The following PRKD2 variants were observed in gnomAD, a reference collection of about 807,000 sequenced individuals.
The protein encoded by PRKD2 is serine/threonine-protein kinase D2.
A neutral mutation model predicts 86.0 loss-of-function variants in PRKD2; 22 were observed. That is an observed-to-expected ratio of 0.26 (90% CI 0.18 to 0.37). The LOEUF is 0.37. Among genes scored for constraint, PRKD2 ranks in the 10% least tolerant of loss-of-function variants. The probability of loss-of-function intolerance (pLI) is 1.00; values close to 1 mark genes in which losing one functional copy is unlikely to be tolerated. For missense variants in PRKD2, 818 were observed against 1,199.2 expected, an observed-to-expected ratio of 0.68 and a Z score of 4.70; for synonymous variants, 509 against 510.9, an observed-to-expected ratio of 1.00 and a Z score of 0.05.
chr19:46,696,587 G>A (rs952724141), intron 9 of PRKD2, among the ~76,000 whole-genome samples: 2 of 151,944 alleles, frequency 1.3e-5, no homozygotes, highest in Non-Finnish European at 2.9e-5. Context: ...GTGAAACCCC[G>A]TCTCTACTAA....
At chr19:46,704,670 T>G (rs538047016) in intron 3 of PRKD2, 21 bp from the exon 4 acceptor site, 19 of 1,580,010 alleles carry the variant, frequency 1.2e-5, no homozygotes, top group Middle Eastern at 1.7e-4. Flanking sequence ...CGCCAGAGAG[T>G]AAGAGACATG....
intron 3 of PRKD2, among the ~76,000 whole-genome samples, chr19:46,709,560 C>T (rs2053771996): frequency 1.3e-5 from 2 of 152,152 alleles, no homozygotes; most frequent in South Asian, 2.1e-4. Flanking sequence ...GGGGTTTCAC[C>T]ATGTTGGACA....
chr19:46,683,574 T>C (rs1232378248), intron 14 of PRKD2, among the ~76,000 whole-genome samples: 1 of 151,864 alleles, frequency 6.6e-6, no homozygotes, highest in African/African-American at 2.4e-5. Context: ...ATACAAAAAT[T>C]AGGCGTGGTG....
rs981520532 is a variant in PRKD2 at position 46,693,927 on chromosome 19, CAG to C, written c.1522_1523del (p.Leu508AspfsTer46). On this transcript the variant is annotated frameshift_variant, in exon 10 of 18. Coordinates refer to ENST00000291281, the MANE Select transcript of PRKD2 (RefSeq NM_016457.5). LOFTEE classifies it high-confidence loss of function. This position sits in a 1 kb window ranked among gnomAD's most constrained non-coding sequence, Gnocchi z 4.5. Reference protein sequence around the residue: ...RGWETAIRQALMPVILQDAPS... With the variant: ...RGWETAIRQAXMPVILQDAPS... ...GTGCGTCCTGAAGGATGACGGGCAT[CAG>C]GGCCTGGCGGATGGCTGTCTCCCAG... 6.2e-7 allele frequency: 1 copy of C among 1,610,292 alleles called. No homozygotes were observed. Among genetic ancestry groups the C allele is most frequent in the Non-Finnish European group, 8.5e-7 (1 of 1,179,432 alleles).
In PRKD2 at chr19:46,716,127, T is replaced by C; in HGVS notation, c.240+4A>G. On this transcript the variant is annotated splice_donor_region_variant and intron_variant, in intron 1 of 17. Coordinates refer to ENST00000291281, the MANE Select transcript of PRKD2 (RefSeq NM_016457.5). The surrounding 1 kb of genome is among the most constrained non-coding windows in gnomAD (Gnocchi z 7.9). ...AGCTGGATCCAGGGAGCCTGCGCCC[T>C]CACCTTCTGGTCCACGATGGAACAG... 1 of 1,608,572 alleles carries C rather than the reference T, an allele frequency of 6.2e-7. No homozygotes were observed. The highest frequency in any genetic ancestry group is 2.3e-5 in the East Asian group (1 of 44,012).
At position 46,685,991 on chromosome 19, in the gene PRKD2, G is replaced by A. The variant is rs1467256703; in HGVS notation, c.1971+3546C>T. The A allele has an allele frequency of 2.6e-5, 4 of 152,168 alleles. No individual in the cohort carries two copies. In the East Asian group the frequency reaches 5.8e-4, roughly 22 times the overall value. The allele number at this position is 152,168 out of a possible 1,614,324, so 9.4% of individuals were successfully genotyped here. A position where few individuals can be genotyped will look rare whatever the true frequency, so the allele number is the denominator to read the frequency against. ...AAAGTCTGGATGAGGGTGCATCAGT[G>A]GGTTTCTGTCCCCACCCCATAAGCC... On this transcript the variant is annotated intron_variant, in intron 14 of 17. Coordinates refer to ENST00000291281, the MANE Select transcript of PRKD2 (RefSeq NM_016457.5).
intron 7 of PRKD2, among the ~76,000 whole-genome samples, chr19:46,699,725 C>T (rs1357801038): frequency 1.3e-5 from 2 of 152,060 alleles, no homozygotes; most frequent in Non-Finnish European, 2.9e-5. Context: ...AATATCCTTG[C>T]CCTCATGCAC....
intron 3 of PRKD2, among the ~76,000 whole-genome samples, chr19:46,705,121 A>G (rs886067868): frequency 2.8e-5 from 4 of 145,202 alleles, no homozygotes; most frequent in Non-Finnish European, 4.5e-5. Context: ...ACATCACCCC[A>G]TCTGCCCCCC....
At chr19:46,704,028 C>CCAGAACA in intron 5 of PRKD2, 141 bp downstream of exon 5, 2 of 1,251,648 alleles carry the variant, frequency 1.6e-6, no homozygotes, top group Non-Finnish European at 2.2e-6. Flanking sequence ...TCCAAAGGTC[C>CCAGAACA]CAGAACACTA....
chr19:46,692,475 G>A (rs546029306), intron 10 of PRKD2, among the ~76,000 whole-genome samples: 7 of 150,032 alleles, frequency 4.7e-5, no homozygotes, highest in Admixed American at 2.0e-4. Flanking sequence ...GCCCCTGCTC[G>A]CCCCCCAACT....
At chr19:46,714,280 A>C in intron 1 of PRKD2, 1 of 1,200,026 alleles carries the variant, frequency 8.3e-7, no homozygotes, top group Non-Finnish European at 1.0e-6. Context: ...GGACACCTCG[A>C]ATTTTCCGGA....
chr19:46,698,412 C>T (rs2053591594), intron 7 of PRKD2, among the ~76,000 whole-genome samples: 1 of 152,196 alleles, frequency 6.6e-6, no homozygotes, highest in South Asian at 2.1e-4. Flanking sequence ...GTCAGGCTGC[C>T]TAGCAAATTA....
intron 14 of PRKD2, among the ~76,000 whole-genome samples, chr19:46,688,268 G>C (rs866592047): frequency 2.2e-4 from 34 of 151,930 alleles, no homozygotes; most frequent in Middle Eastern, 3.4e-3. Context: ...TTCCTGAGTA[G>C]CTGGGATTAC....
intron 9 of PRKD2, among the ~76,000 whole-genome samples, chr19:46,695,983 C>T (rs1020082131): frequency 1.1e-4 from 17 of 152,178 alleles, no homozygotes; most frequent in Admixed American, 1.1e-3. Context: ...GGGTTATAGG[C>T]ACCCGCCACC....
chr19:46,686,738 T>C (rs1200699362), intron 14 of PRKD2, among the ~76,000 whole-genome samples: 1 of 149,928 alleles, frequency 6.7e-6, no homozygotes, highest in African/African-American at 2.5e-5. Context: ...GATCACGAGG[T>C]CAGGAGATCG....
chr19:46,714,481 G>GGGGGGA lies in PRKD2; in HGVS notation c.241-481_241-480insTCCCCC, dbSNP rs2053856212. 1.3e-5 allele frequency: 2 copies of GGGGGGA among 153,402 alleles called. 1 individual carries two copies. The highest frequency in any genetic ancestry group is 2.8e-5 in the Non-Finnish European group (2 of 70,314). 9.5% of individuals were successfully genotyped at this position (153,402 alleles called of 1,614,324 possible). ...TTTTCGGGGCTCCTGGGAAAGTGGGGGGGGGGGCCGGGGGACTTGGACTCG... is the reference window on the plus strand; with the variant it reads ...TTTTCGGGGCTCCTGGGAAAGTGGGGGGGGGAGGGGGGGCCGGGGGACTTGGACTCG... On this transcript the variant is annotated intron_variant, in intron 1 of 17. Transcript: ENST00000291281.
intron 14 of PRKD2, 90 bp from the exon 15 acceptor site, chr19:46,681,838 A>C: frequency 6.5e-6 from 4 of 618,288 alleles, no homozygotes; most frequent in Non-Finnish European, 1.1e-5. Context: ...ACCCATCCAT[A>C]CTTTTTTTTT....
intron 14 of PRKD2, 91 bp from the exon 15 acceptor site, chr19:46,681,839 CTTT>C (rs551472575): frequency 8.0e-3 from 3,813 of 479,086 alleles, no homozygotes; most frequent in Middle Eastern, 0.01. Context: ...CCCATCCATA[CTTT>C]TTTTTTTTTT....
At position 46,678,376 on chromosome 19, in the gene PRKD2, G is replaced by A. The variant is rs1568712590; in HGVS notation, c.2338+20C>T. 6.2e-7 allele frequency: 1 copy of A among 1,612,898 alleles called. No individual in the cohort carries two copies. The highest frequency in any genetic ancestry group is 1.7e-5 in the Admixed American group (1 of 59,908). On this transcript the variant is annotated intron_variant, in intron 16 of 17. Transcript: ENST00000291281. The surrounding 1 kb of genome is among the most constrained non-coding windows in gnomAD (Gnocchi z 5.7). ...CACCCCACAACCCACCCGCCCATGGGGTAGGCGGGCCCCAGGCACCTCCAG... is the reference window on the plus strand; with the variant it reads ...CACCCCACAACCCACCCGCCCATGGAGTAGGCGGGCCCCAGGCACCTCCAG...
Sources: allele counts gnomAD v4.1 joint callset (sites outside exome capture counted in the v4.1 genomes callset), GRCh38; gene constraint gnomAD v4.1.1; non-coding constraint Gnocchi (gnomAD v3.1); transcripts MANE v1.5; gene names NCBI Gene and HGNC (gene_info 2026-07-23, HGNC 2026-07-21).